Variants in JMJD1C observed in about 807,000 individuals in gnomAD.
JMJD1C encodes the protein jumonji domain-containing protein 1C.
A neutral mutation model predicts 245.3 loss-of-function variants in JMJD1C; 31 were observed. That is an observed-to-expected ratio of 0.13 (90% CI 0.09 to 0.17). The LOEUF (loss-of-function observed/expected upper bound fraction) is 0.17, where lower values mean the gene tolerates loss of function less well. JMJD1C is among the 10% of genes least tolerant of loss of function. The pLI is 1.00. For synonymous variants in JMJD1C, 1,057 were observed against 1,017.4 expected, an observed-to-expected ratio of 1.04 and a Z score of -0.74; for missense variants, 2,691 against 3,000.2, an observed-to-expected ratio of 0.90 and a Z score of 2.41.
intron 1 of JMJD1C, among the ~76,000 whole-genome samples, chr10:63,397,543 T>C (rs1948585745): frequency 6.6e-6 from 1 of 151,874 alleles, no homozygotes; most frequent in South Asian, 2.1e-4. Context: ...TTTTATTTAT[T>C]GTATTTTTGA....
chr10:63,226,602 C>A (rs1288212093), intron 3 of JMJD1C, among the ~76,000 whole-genome samples: 2 of 150,734 alleles, frequency 1.3e-5, no homozygotes, highest in African/African-American at 4.9e-5. Context: ...GTAGTCCCAA[C>A]TACTCGGGAG....
At position 63,278,908 on chromosome 10, in the gene JMJD1C, T is replaced by C. The variant is rs556118766; in HGVS notation, c.334-14144A>G. Among the ~76,000 whole-genome samples, 10 of 152,040 alleles carry C rather than the reference T, an allele frequency of 6.6e-5. No individual in the cohort carries two copies. In the East Asian group the frequency reaches 1.9e-3, roughly 30 times the overall value. Reference sequence around the variant, plus strand: ...TGTTATTCATTCATTTCTGGTCTTATATACTCATTATCGCTTGAAAGCTAT... The same window carrying C: ...TGTTATTCATTCATTTCTGGTCTTACATACTCATTATCGCTTGAAAGCTAT... On this transcript the variant is annotated intron_variant, in intron 2 of 25. Transcript: ENST00000399262.
intron 1 of JMJD1C, among the ~76,000 whole-genome samples, chr10:63,451,370 A>G: frequency 6.6e-6 from 1 of 152,202 alleles, no homozygotes. Context: ...TCCTGATTTC[A>G]AACTTACTAC....
chr10:63,429,733 A>G (rs1950639869), intron 1 of JMJD1C, among the ~76,000 whole-genome samples: 1 of 152,210 alleles, frequency 6.6e-6, no homozygotes, highest in Non-Finnish European at 1.5e-5. Context: ...AACCAAAGCA[A>G]AAAGAAGAAT....
rs138580380 is a variant in JMJD1C, at chr10:63,273,975, T to C, written c.334-9211A>G. 3.2e-3 allele frequency among the ~76,000 whole-genome samples: 490 copies of C among 152,252 alleles called. 2 individuals carry two copies. Among genetic ancestry groups the C allele is most frequent in the African/African-American group, 0.011 (475 of 41,540 alleles). On this transcript the variant is annotated intron_variant, in intron 2 of 25. Transcript: ENST00000399262. ...GGCCATGAAAAGAATACATCTCTCA[T>C]CTTTATACACGTGGAAGCCTAAACA...
chr10:63,362,370 T>C (rs370130386), intron 2 of JMJD1C, among the ~76,000 whole-genome samples: 5 of 152,126 alleles, frequency 3.3e-5, no homozygotes, highest in African/African-American at 1.2e-4. Flanking sequence ...ATTCAGCCTC[T>C]ACTGAATAAC....
chr10:63,463,165 T>G (rs1952915273), intron 1 of JMJD1C, among the ~76,000 whole-genome samples: 1 of 152,030 alleles, frequency 6.6e-6, no homozygotes, highest in African/African-American at 2.4e-5. Context: ...TCTTTTTACA[T>G]ATTTATTTAT....
intron 22 of JMJD1C, among the ~76,000 whole-genome samples, chr10:63,182,241 G>A (rs1011817883): frequency 6.6e-6 from 1 of 152,180 alleles, no homozygotes; most frequent in Non-Finnish European, 1.5e-5. Context: ...CTGAAACTCC[G>A]AAGAAGCCTC....
Position 63,465,919 on chromosome 10 carries a change from C to T in JMJD1C, c.-257G>A, listed in dbSNP as rs1443448831. The stretch of plus-strand genomic sequence containing the variant: ...ACAAGAAAACTGAAACAAAACCCAA[C>T]GCGGCCGTCGAAGACCCCGAGGCAG... On this transcript the variant is annotated 5_prime_UTR_variant, in exon 1 of 26. Transcript: ENST00000399262. 3 of 607,744 alleles carry T rather than the reference C, an allele frequency of 4.9e-6. No individual in the cohort carries two copies. Among genetic ancestry groups the T allele is most frequent in the Non-Finnish European group, 9.1e-6 (3 of 331,068 alleles). 37.6% of individuals were successfully genotyped at this position (607,744 alleles called of 1,614,324 possible). A position where few individuals can be genotyped will look rare whatever the true frequency, so the allele number is the denominator to read the frequency against.
At chr10:63,383,374 A>C (rs1266514917) in intron 1 of JMJD1C, among the ~76,000 whole-genome samples, 1 of 152,206 alleles carries the variant, frequency 6.6e-6, no homozygotes, top group African/African-American at 2.4e-5. Context: ...ATCCAAGTCA[A>C]GGAAGAAGCC....
chr10:63,296,355 T>C (rs1859433742), intron 2 of JMJD1C, among the ~76,000 whole-genome samples: 1 of 152,050 alleles, frequency 6.6e-6, no homozygotes. Context: ...GCAGCACTAT[T>C]AACTCATGCC....
rs142736240 is a variant in JMJD1C at position 63,307,123 on chromosome 10, G to A, written c.334-42359C>T. Among the ~76,000 whole-genome samples the A allele has an allele frequency of 6.6e-5, 10 of 151,948 alleles. No homozygotes were observed. In the East Asian group the frequency reaches 1.9e-3, roughly 29 times the overall value. On this transcript the variant is annotated intron_variant, in intron 2 of 25. Transcript: ENST00000399262. Reference sequence around the variant, plus strand: ...TCATTTAGGTATTTTTACAGTGGTTGGTGTCCACAACAAATAATTCTGAGG... The same window carrying A: ...TCATTTAGGTATTTTTACAGTGGTTAGTGTCCACAACAAATAATTCTGAGG...
intron 1 of JMJD1C, among the ~76,000 whole-genome samples, chr10:63,392,180 A>C (rs1159664126): frequency 6.6e-6 from 1 of 152,162 alleles, no homozygotes; most frequent in Admixed American, 6.5e-5. Flanking sequence ...CATGAAATGA[A>C]ACTGGACCCC....
At chr10:63,318,619 G>A (rs927300010) in intron 2 of JMJD1C, among the ~76,000 whole-genome samples, 7 of 151,648 alleles carry the variant, frequency 4.6e-5, no homozygotes, top group African/African-American at 9.7e-5. Flanking sequence ...GAACTCTTAC[G>A]TAAGTTCAAC....
intron 1 of JMJD1C, among the ~76,000 whole-genome samples, chr10:63,451,784 C>A (rs1004777149): frequency 3.3e-5 from 5 of 152,126 alleles, no homozygotes; most frequent in Non-Finnish European, 7.4e-5. Context: ...GAGATAAACC[C>A]CTGCATATAT....
rs756337991 is a variant in JMJD1C, at chr10:63,213,939, G to A, written c.2228C>T (p.Ser743Leu). ...TGGATTTAAACAGGTTCTATGAGAT[G>A]AGGAGTGAAGAGGAAAAGGATGCTG... ...LSQHPFPLHSSSHRTCLNPGT... is the reference protein window; with the variant it reads ...LSQHPFPLHSLSHRTCLNPGT... Residue 743 changes from serine (S) to leucine (L), a missense_variant, in exon 8 of 26, where the codon TCA becomes TTA. Coordinates refer to ENST00000399262, the MANE Select transcript of JMJD1C (RefSeq NM_032776.3). 12 of 1,613,980 alleles carry A rather than the reference G, an allele frequency of 7.4e-6. No individual in the cohort carries two copies. Among genetic ancestry groups the A allele is most frequent in the Non-Finnish European group, 9.3e-6 (11 of 1,179,964 alleles).
Position 63,465,730 on chromosome 10 carries a change from C to A in JMJD1C, c.-68G>T, listed in dbSNP as rs368446517. ...GGAACCGATGAAACCTCACTCCTAC[C>A]GGCCGCTCATGCTGAGGAGAGCGGA... On this transcript the variant is annotated 5_prime_UTR_variant, in exon 1 of 26. Transcript: ENST00000399262. The A allele has an allele frequency of 1.3e-6, 2 of 1,567,076 alleles. No homozygotes were observed. The highest frequency in any genetic ancestry group is 1.1e-5 in the South Asian group (1 of 89,468).
chr10:63,329,093 G>A (rs1341182426), intron 2 of JMJD1C, among the ~76,000 whole-genome samples: 1 of 151,948 alleles, frequency 6.6e-6, no homozygotes, highest in African/African-American at 2.4e-5. Flanking sequence ...ACCAGCCTGG[G>A]CAACATGGTA....
chr10:63,354,680 CTGTTTA>C (rs1221972060), intron 2 of JMJD1C, among the ~76,000 whole-genome samples: 1 of 118,400 alleles, frequency 8.4e-6, no homozygotes, highest in East Asian at 2.4e-4. Flanking sequence ...CTGCTTTTTT[CTGTTTA>C]TATTTATTTT....
Sources: allele counts gnomAD v4.1 joint callset (sites outside exome capture counted in the v4.1 genomes callset), GRCh38; gene constraint gnomAD v4.1.1; transcripts MANE v1.5; gene names NCBI Gene and HGNC (gene_info 2026-07-23, HGNC 2026-07-21).